ARHGAP8: variants seen among roughly 807,000 people sequenced by gnomAD.
The protein encoded by ARHGAP8 is Rho GTPase activating protein 8.
In ARHGAP8, 62 loss-of-function variants were observed where a neutral mutation model predicts 46.1. The observed-to-expected ratio is 1.34, with a 90% CI of 1.10 to 1.66. ARHGAP8 has a LOEUF of 1.66. Among genes scored for constraint, ARHGAP8 ranks in the 40% most tolerant of loss-of-function variants. ARHGAP8 has a pLI of 0.00. For missense variants in ARHGAP8, 923 were observed against 568.4 expected (o/e 1.62, Z -6.34); for synonymous variants, 375 against 243.1 (o/e 1.54, Z -5.05).
chr22:44,792,168 C>T (rs991809495), intron 2 of ARHGAP8, among the ~76,000 whole-genome samples: 12 of 152,042 alleles, frequency 7.9e-5, no homozygotes, highest in Admixed American at 1.3e-4. Flanking sequence ...CCCACCACCA[C>T]GCCTGGCTAA....
intron 5 of ARHGAP8, among the ~76,000 whole-genome samples, chr22:44,816,700 G>C (rs111600781): frequency 0.012 from 1,826 of 151,614 alleles, 39 homozygotes; most frequent in East Asian, 0.036. Context: ...AGCTACACGG[G>C]AGGCCAAAGC....
At chr22:44,752,933 C>T (rs949866125) in intron 1 of ARHGAP8, among the ~76,000 whole-genome samples, 5 of 151,968 alleles carry the variant, frequency 3.3e-5, no homozygotes, top group South Asian at 2.1e-4. Context: ...GCCTTCCCCG[C>T]CCTCGCCTCT....
chr22:44,799,936 A>G (rs1928361205), intron 2 of ARHGAP8, among the ~76,000 whole-genome samples: 1 of 131,342 alleles, frequency 7.6e-6, no homozygotes, highest in East Asian at 2.8e-4. Flanking sequence ...AGAGGAGGAA[A>G]GTCTGAACCA....
At position 44,862,664 on chromosome 22, in the gene ARHGAP8, C is replaced by G; in HGVS notation, c.*69C>G. ...TCTGTGCACTTGTATGTTTTGTAAA[C>G]TTGGCATCTGTAAAAATAACCAGCC... On this transcript the variant is annotated 3_prime_UTR_variant, in exon 12 of 12. Coordinates refer to ENST00000356099, the MANE Select transcript of ARHGAP8 (RefSeq NM_181335.3). 2 of 1,484,546 alleles carry G rather than the reference C, an allele frequency of 1.3e-6. No homozygotes were observed. The highest frequency in any genetic ancestry group is 3.6e-4 in the Middle Eastern group (2 of 5,544). The allele number at this position is 1,484,546 out of a possible 1,614,324, so 92.0% of individuals were successfully genotyped here. A position where few individuals can be genotyped will look rare whatever the true frequency, so the allele number is the denominator to read the frequency against.
chr22:44,833,463 A>G (rs752447236), intron 7 of ARHGAP8, among the ~76,000 whole-genome samples: 23 of 152,110 alleles, frequency 1.5e-4, no homozygotes, highest in Admixed American at 4.6e-4. Flanking sequence ...GATATGGTGT[A>G]TTATATTGAT....
At chr22:44,859,310 T>C (rs188523068) in intron 10 of ARHGAP8, among the ~76,000 whole-genome samples, 1 of 152,028 alleles carries the variant, frequency 6.6e-6, no homozygotes, top group Admixed American at 6.6e-5. Context: ...GTCCTCGAGA[T>C]AGTGAGTTCT....
chr22:44,818,718 A>G (rs560256696), intron 5 of ARHGAP8, among the ~76,000 whole-genome samples: 2 of 147,452 alleles, frequency 1.4e-5, no homozygotes, highest in South Asian at 2.1e-4. Flanking sequence ...TTTTTTTTTC[A>G]TAGGTTCTTG....
intron 2 of ARHGAP8, among the ~76,000 whole-genome samples, chr22:44,792,023 T>C (rs947830024): frequency 1.3e-5 from 2 of 150,668 alleles, no homozygotes; most frequent in Non-Finnish European, 3.0e-5. Flanking sequence ...CTTTCTTTCT[T>C]TTTTTTTTAG....
At position 44,794,717 on chromosome 22, in the gene ARHGAP8, T is replaced by A. The variant is rs139748138; in HGVS notation, c.80-7360T>A. On this transcript the variant is annotated intron_variant, in intron 2 of 11. Transcript: ENST00000356099. ...AAAGCAAGACTCCGTCTCAGAAAAA[T>A]AATAATAATAATAATATACTTTATT... Among the ~76,000 whole-genome samples, 16 of 136,282 alleles carry A rather than the reference T, an allele frequency of 1.2e-4. No homozygotes were observed. The South Asian group carries it at 2.8e-3, about 24-fold the overall frequency. The allele number at this position is 136,282 out of a possible 152,430, so 89.4% of individuals were successfully genotyped here.
intron 1 of ARHGAP8, among the ~76,000 whole-genome samples, chr22:44,779,947 C>T (rs5765006): frequency 0.87 from 132,825 of 152,082 alleles, 58,063 homozygotes; most frequent in Non-Finnish European, 0.89. Flanking sequence ...GTGTGAAACA[C>T]GCCTCTGTGT....
chr22:44,862,495 C>A lies in ARHGAP8; in HGVS notation c.1202C>A (p.Ala401Glu), dbSNP rs2070546094. 6.2e-7 allele frequency: 1 copy of A among 1,613,530 alleles called. No homozygotes were observed. The highest frequency in any genetic ancestry group is 1.3e-5 in the African/African-American group (1 of 74,910). Residue 401 changes from alanine to glutamate, a missense_variant, in exon 12 of 12, where the codon GCA (alanine) becomes GAA (glutamate). By Grantham distance (107) the Ala-to-Glu change is moderately radical (BLOSUM62 -1). Coordinates refer to ENST00000356099, the MANE Select transcript of ARHGAP8 (RefSeq NM_181335.3). ...GLAPWEQGSR[A>E]APLQEAVPRT... ...GCACCATGGGAACAGGGGAGCAGGG[C>A]AGCCCCTTTGCAGGAGGCTGTGCCA...
intron 1 of ARHGAP8, among the ~76,000 whole-genome samples, chr22:44,772,410 G>A (rs536420296): frequency 7.8e-5 from 11 of 140,404 alleles, no homozygotes; most frequent in Non-Finnish European, 1.5e-5. Flanking sequence ...GGTTGGTCTC[G>A]GACTCCTGAC....
At chr22:44,819,664 A>G (rs1929988985) in intron 5 of ARHGAP8, among the ~76,000 whole-genome samples, 1 of 151,742 alleles carries the variant, frequency 6.6e-6, no homozygotes, top group Non-Finnish European at 1.5e-5. Context: ...TAAGAGCGAA[A>G]CTCCACCTCA....
In ARHGAP8 at chr22:44,763,730, A is replaced by G. The variant is rs144334259; in HGVS notation, c.-72+11103A>G. On this transcript the variant is annotated intron_variant, in intron 1 of 11. Coordinates refer to ENST00000356099, the MANE Select transcript of ARHGAP8 (RefSeq NM_181335.3). ...CAGGAGAAGGGGAGGAAGGGAGAGAAGGCAATTGCACTTCCACCAGACAAG... is the reference window on the plus strand; with the variant it reads ...CAGGAGAAGGGGAGGAAGGGAGAGAGGGCAATTGCACTTCCACCAGACAAG... 1.5e-3 allele frequency among the ~76,000 whole-genome samples: 231 copies of G among 151,644 alleles called. 1 individual carries two copies. Among genetic ancestry groups the G allele is most frequent in the African/African-American group, 5.2e-3 (216 of 41,384 alleles).
intron 3 of ARHGAP8, among the ~76,000 whole-genome samples, chr22:44,806,888 C>A (rs968732321): frequency 2.7e-5 from 4 of 150,048 alleles, no homozygotes; most frequent in Admixed American, 6.7e-5. Context: ...GGCGTGAATC[C>A]AGGAGGCGGA....
intron 7 of ARHGAP8, among the ~76,000 whole-genome samples, chr22:44,832,164 T>G (rs528314102): frequency 2.0e-4 from 31 of 151,972 alleles, no homozygotes; most frequent in Admixed American, 1.6e-3. Context: ...CTGTACCAGT[T>G]TTTTGAACTT....
chr22:44,808,911 G>A (rs1376391078), intron 4 of ARHGAP8: 8 of 364,910 alleles, frequency 2.2e-5, no homozygotes, highest in Non-Finnish European at 4.3e-5. Flanking sequence ...TCGGCCTCCT[G>A]GGCTCAAGCA....
chr22:44,862,465 G>T lies in ARHGAP8; in HGVS notation c.1172G>T (p.Gly391Val). ...ACCCCGGAGGCACCTGGGGAGCACG[G>T]CCTGGCACCATGGGAACAGGGGAGC... ...FSTPEAPGEHGLAPWEQGSRA... is the reference protein window; with the variant it reads ...FSTPEAPGEHVLAPWEQGSRA... The change falls in exon 12 of 12, where the codon GGC becomes GTC. Residue 391 changes from glycine (G) to valine (V), a missense_variant. Transcript: ENST00000356099. 1 of 1,613,968 alleles carries T rather than the reference G, an allele frequency of 6.2e-7. No individual in the cohort carries two copies. The highest frequency in any genetic ancestry group is 8.5e-7 in the Non-Finnish European group (1 of 1,179,910).
intron 1 of ARHGAP8, among the ~76,000 whole-genome samples, chr22:44,778,173 C>T (rs1367197907): frequency 6.6e-6 from 1 of 152,060 alleles, no homozygotes; most frequent in Admixed American, 6.6e-5. Context: ...TTTTATCCCT[C>T]ACCCCCTTCC....
Sources: allele counts gnomAD v4.1 joint callset (sites outside exome capture counted in the v4.1 genomes callset), GRCh38; gene constraint gnomAD v4.1.1; transcripts MANE v1.5; gene names NCBI Gene and HGNC (gene_info 2026-07-23, HGNC 2026-07-21).